Variants in TULP4 observed in about 807,000 individuals in gnomAD.
TULP4 encodes the protein tubby-related protein 4.
In TULP4, 16 loss-of-function variants were observed where a neutral mutation model predicts 129.0. That is an observed-to-expected ratio of 0.12 (90% confidence interval 0.08 to 0.19). TULP4 has a LOEUF of 0.19. Ranked by LOEUF, TULP4 falls within the 10% of genes least tolerant of loss-of-function variation. The pLI is 1.00. For synonymous variants in TULP4, 998 were observed against 854.0 expected, an observed-to-expected ratio of 1.17 and a Z score of -2.94; for missense variants, 1,842 against 2,059.1, an observed-to-expected ratio of 0.89 and a Z score of 2.04.
intron 1 of TULP4, among the ~76,000 whole-genome samples, chr6:158,373,258 T>TCAGTCAACCCTCCAAGG (rs1777111445): frequency 1.3e-5 from 2 of 152,226 alleles, no homozygotes; most frequent in South Asian, 4.1e-4. Context: ...ATTAACCTGT[T>TCAGTCAACCCTCCAAGG]CAGTCAACCC....
chr6:158,269,380 TAAAA>T (rs10583634), intron 1 of TULP4, among the ~76,000 whole-genome samples: 46,152 of 130,968 alleles, frequency 0.35, 8,051 homozygotes, highest in Admixed American at 0.47. Context: ...TCAGCATTTG[TAAAA>T]AAAAAAAAAA....
intron 1 of TULP4, among the ~76,000 whole-genome samples, chr6:158,340,608 C>G (rs1324258948): frequency 6.6e-6 from 1 of 152,172 alleles, no homozygotes; most frequent in Non-Finnish European, 1.5e-5. Context: ...CCTAGCCTGC[C>G]CTCCTGGAGT....
At chr6:158,472,934 T>C (rs1478217966) in intron 6 of TULP4, among the ~76,000 whole-genome samples, 2 of 152,250 alleles carry the variant, frequency 1.3e-5, no homozygotes, top group Non-Finnish European at 2.9e-5. Flanking sequence ...TATTCTTGCA[T>C]ATCTGAAAAT....
At chr6:158,265,532 A>G (rs1038926687) in intron 1 of TULP4, among the ~76,000 whole-genome samples, 1 of 151,966 alleles carries the variant, frequency 6.6e-6, no homozygotes, top group African/African-American at 2.4e-5. Context: ...AGAAAAAAAA[A>G]AATTAGCTGG....
chr6:158,407,618 G>A (rs1777999203), intron 1 of TULP4, among the ~76,000 whole-genome samples: 1 of 152,160 alleles, frequency 6.6e-6, no homozygotes, highest in East Asian at 1.9e-4. Context: ...TCAACAAAAT[G>A]TGGTCTCTCA....
At chr6:158,411,224 A>G (rs1778094090) in intron 1 of TULP4, among the ~76,000 whole-genome samples, 1 of 152,098 alleles carries the variant, frequency 6.6e-6, no homozygotes, top group Non-Finnish European at 1.5e-5. Context: ...ACTTCTAATG[A>G]TATATTATTG....
chr6:158,370,457 CAAAAAAAAAAAAAAA>C (rs533005080), intron 1 of TULP4, among the ~76,000 whole-genome samples: 1 of 28,896 alleles, frequency 3.5e-5, no homozygotes, highest in African/African-American at 1.5e-4. Flanking sequence ...AACTCCATCT[CAAAAAAAAAAAAAAA>C]AAAAAAAAAA....
intron 1 of TULP4, among the ~76,000 whole-genome samples, chr6:158,235,963 A>C (rs1437591767): frequency 1.3e-5 from 2 of 152,250 alleles, no homozygotes; most frequent in East Asian, 3.8e-4. Context: ...ACGTGTGTTA[A>C]ATCCTTGCTG....
chr6:158,238,967 C>T (rs1220584459), intron 1 of TULP4, among the ~76,000 whole-genome samples: 1 of 142,574 alleles, frequency 7.0e-6, no homozygotes, highest in Non-Finnish European at 1.6e-5. Context: ...GGGGTGGTGG[C>T]CGGGCAGAGG....
At chr6:158,442,602 C>T (rs1003530544) in intron 3 of TULP4, among the ~76,000 whole-genome samples, 6 of 152,002 alleles carry the variant, frequency 3.9e-5, no homozygotes, top group Admixed American at 2.6e-4. Context: ...TTCAAAGAGC[C>T]GATATAGGGC....
At chr6:158,457,157 A>T (rs1779310454) in intron 5 of TULP4, among the ~76,000 whole-genome samples, 1 of 152,192 alleles carries the variant, frequency 6.6e-6, no homozygotes, top group African/African-American at 2.4e-5. Flanking sequence ...CATAGAGGAA[A>T]TTAAAAAGGT....
upstream of TULP4, among the ~76,000 whole-genome samples, chr6:158,309,901 G>T (rs139955177): frequency 1.6e-5 from 2 of 122,042 alleles, no homozygotes; most frequent in African/African-American, 5.6e-5. Flanking sequence ...GAGGGAGACC[G>T]TGGGGAGAGG....
Position 158,502,337 on chromosome 6 carries a change from G to T in TULP4, c.2674G>T (p.Asp892Tyr), listed in dbSNP as rs1171387187. ...GGGCTATGAGAGGATCACCACCTTC[G>T]ACAGCAGTGGCAACGTGGAGGAGGT... ...PLGYERITTF[D>Y]SSGNVEEVCR... Residue 892 changes from aspartate (D) to tyrosine (Y), a missense_variant, in exon 13 of 14, where the codon GAC becomes TAC. Asp to Tyr is a radical substitution (Grantham distance 160). Coordinates refer to ENST00000367097, the MANE Select transcript of TULP4 (RefSeq NM_020245.5). 1 of 1,613,630 alleles carries T rather than the reference G, an allele frequency of 6.2e-7. No homozygotes were observed. Among genetic ancestry groups the T allele is most frequent in the East Asian group, 2.2e-5 (1 of 44,852 alleles).
intron 1 of TULP4, among the ~76,000 whole-genome samples, chr6:158,387,283 T>A (rs1777469540): frequency 6.6e-6 from 1 of 152,204 alleles, no homozygotes; most frequent in Admixed American, 6.5e-5. Context: ...GGTAGAGGCC[T>A]TAAGTATTAG....
At chr6:158,489,822 G>A (rs1780158524) in intron 9 of TULP4, 90 bp downstream of exon 9, 1 of 1,511,088 alleles carries the variant, frequency 6.6e-7, no homozygotes, top group Non-Finnish European at 9.0e-7. Context: ...AAACTGACCA[G>A]AAGAGTCAAA....
intron 8 of TULP4, among the ~76,000 whole-genome samples, chr6:158,485,041 A>G (rs1780034209): frequency 6.6e-6 from 1 of 152,226 alleles, no homozygotes; most frequent in Admixed American, 6.5e-5. Context: ...GTTAAGGGCA[A>G]TTCTGGTGAG....
intron 1 of TULP4, among the ~76,000 whole-genome samples, chr6:158,289,747 A>G (rs1163340238): frequency 3.3e-5 from 5 of 151,582 alleles, no homozygotes; most frequent in Admixed American, 2.0e-4. Flanking sequence ...TGCCTGGCTG[A>G]TTTTTTAATT....
intron 1 of TULP4, among the ~76,000 whole-genome samples, chr6:158,239,066 CCA>C (rs1583663854): frequency 2.1e-4 from 27 of 128,606 alleles, no homozygotes; most frequent in Admixed American, 3.0e-4. Flanking sequence ...GCTGACCCCC[CCA>C]CCTCCCTCCC....
At chr6:158,303,629 T>G (rs946888239) in intron 1 of TULP4, among the ~76,000 whole-genome samples, 2 of 152,158 alleles carry the variant, frequency 1.3e-5, no homozygotes, top group Non-Finnish European at 2.9e-5. Flanking sequence ...GTTTTCAGTT[T>G]GGAGCTGATG....
Sources: allele counts gnomAD v4.1 joint callset (sites outside exome capture counted in the v4.1 genomes callset), GRCh38; gene constraint gnomAD v4.1.1; transcripts MANE v1.5; gene names NCBI Gene and HGNC (gene_info 2026-07-23, HGNC 2026-07-21).